SLC38A12: variants seen among roughly 807,000 people sequenced by gnomAD.
SLC38A12 encodes the protein putative sodium-coupled neutral amino acid transporter 12.
the SLC38A12 span, chr17:74,785,487 G>T: frequency 6.2e-7 from 1 of 1,610,356 alleles, no homozygotes; most frequent in Non-Finnish European, 8.5e-7. Flanking sequence ...TCCAGGTTGG[G>T]CTGGTGTACA....
At chr17:74,782,350 G>A in the SLC38A12 span, among the ~76,000 whole-genome samples, 1 of 152,176 alleles carries the variant, frequency 6.6e-6, no homozygotes, top group Non-Finnish European at 1.5e-5. Flanking sequence ...TTACAGGTAT[G>A]AGCCACCACA....
the SLC38A12 span, among the ~76,000 whole-genome samples, chr17:74,832,039 C>T: frequency 6.6e-6 from 1 of 151,940 alleles, no homozygotes; most frequent in African/African-American, 2.4e-5. Context: ...GAACTTTGCT[C>T]CTCCCGCAGC....
At chr17:74,795,142 G>T in the SLC38A12 span, 1 of 1,583,890 alleles carries the variant, frequency 6.3e-7, no homozygotes, top group Non-Finnish European at 8.7e-7. Context: ...CAGGTTGGCG[G>T]TAGCCAAAGG....
the SLC38A12 span, among the ~76,000 whole-genome samples, chr17:74,817,495 C>T: frequency 2.6e-5 from 4 of 152,134 alleles, no homozygotes; most frequent in Admixed American, 1.3e-4. Flanking sequence ...ACCCTCGTTT[C>T]GACTCCTCTA....
At chr17:74,783,383 G>A in the SLC38A12 span, among the ~76,000 whole-genome samples, 1 of 152,200 alleles carries the variant, frequency 6.6e-6, no homozygotes, top group East Asian at 1.9e-4. Context: ...AAGAAGTTTT[G>A]TTGCCACAAG....
chr17:74,837,883 T>G, the SLC38A12 span: 1 of 985,962 alleles, frequency 1.0e-6, no homozygotes, highest in Non-Finnish European at 1.2e-6. Context: ...CCCCCAGCCC[T>G]GGGCCTGGCC....
chr17:74,797,386 T>G, the SLC38A12 span, among the ~76,000 whole-genome samples: 6 of 152,150 alleles, frequency 3.9e-5, no homozygotes, highest in Admixed American at 3.3e-4. Context: ...CATCAGAGCC[T>G]GCAAAAGCCA....
chr17:74,824,459 G>A, the SLC38A12 span, among the ~76,000 whole-genome samples: 7 of 152,234 alleles, frequency 4.6e-5, no homozygotes, highest in Middle Eastern at 3.4e-3. Context: ...CCCCTGCCCC[G>A]CCGCAGGGAG....
the SLC38A12 span, chr17:74,788,730 TTC>T: frequency 6.7e-7 from 1 of 1,503,638 alleles, no homozygotes; most frequent in Admixed American, 1.7e-5. Context: ...GGTGTTTTCC[TTC>T]TCTCTCTGTC....
At chr17:74,836,542 C>T in the SLC38A12 span, 4 of 1,613,298 alleles carry the variant, frequency 2.5e-6, no homozygotes, top group Non-Finnish European at 2.5e-6. This position sits in a 1 kb window ranked among gnomAD's most constrained non-coding sequence, Gnocchi z 4.2. Flanking sequence ...CGCAGGGACA[C>T]CCAGCTGGCC....
At chr17:74,791,171 A>G in the SLC38A12 span, 1 of 710,244 alleles carries the variant, frequency 1.4e-6, no homozygotes, top group African/African-American at 1.8e-5. Context: ...CTGCTCCCTC[A>G]GCACCTGAGA....
the SLC38A12 span, chr17:74,794,965 C>T: frequency 6.8e-7 from 1 of 1,470,578 alleles, no homozygotes; most frequent in Non-Finnish European, 9.4e-7. Flanking sequence ...AAAAAACATG[C>T]AGACATCTCT....
chr17:74,790,664 CTCATGT>C, the SLC38A12 span, among the ~76,000 whole-genome samples: 1 of 151,932 alleles, frequency 6.6e-6, no homozygotes, highest in Non-Finnish European at 1.5e-5. Flanking sequence ...GCCTTGTGCC[CTCATGT>C]TCATACATGC....
chr17:74,785,403 C>G, the SLC38A12 span: 1 of 1,557,474 alleles, frequency 6.4e-7, no homozygotes, highest in Non-Finnish European at 8.7e-7. Flanking sequence ...GGTGCCATCA[C>G]CAGGGTCGTT....
the SLC38A12 span, among the ~76,000 whole-genome samples, chr17:74,807,382 C>A: frequency 6.6e-6 from 1 of 152,248 alleles, no homozygotes; most frequent in Admixed American, 6.5e-5. Flanking sequence ...CGTGGTTGCT[C>A]CCTGAAGGTT....
chr17:74,822,674 A>G, the SLC38A12 span, among the ~76,000 whole-genome samples: 1 of 152,214 alleles, frequency 6.6e-6, no homozygotes, highest in East Asian at 1.9e-4. Context: ...TTAAAAAGCA[A>G]ACCTTTCTGT....
chr17:74,837,045 C>T, the SLC38A12 span: 1 of 1,056,508 alleles, frequency 9.5e-7, no homozygotes, highest in Non-Finnish European at 1.1e-6. Flanking sequence ...AGATGCAGTG[C>T]TGGCACTGCC....
At chr17:74,795,227 A>G in the SLC38A12 span, 1 of 854,984 alleles carries the variant, frequency 1.2e-6, no homozygotes, top group Non-Finnish European at 1.9e-6. Context: ...CATCTAGGGA[A>G]TGCAGATGCC....
chr17:74,839,261 A>G, the SLC38A12 span: 2 of 1,284,738 alleles, frequency 1.6e-6, no homozygotes, highest in African/African-American at 3.0e-5. Flanking sequence ...CTAGCCACAC[A>G]GCTGTCCTCA....
Sources: gnomAD v4.1 joint callset for allele counts (sites outside exome capture counted in the v4.1 genomes callset) on GRCh38, gnomAD v4.1.1 for gene constraint, Gnocchi (gnomAD v3.1) non-coding constraint, MANE v1.5 for transcripts, NCBI Gene and HGNC (gene_info 2026-07-23, HGNC 2026-07-21) for gene names.